Variants in SHISA9 observed in about 807,000 individuals in gnomAD.
SHISA9 encodes protein shisa-9.
SHISA9 carries 13 observed loss-of-function variants against 38.0 expected under a neutral mutation model. The ratio of observed to expected loss-of-function variants is 0.34; its 90% CI spans 0.22 to 0.54. The LOEUF (loss-of-function observed/expected upper bound fraction) is 0.54, where lower values mean the gene tolerates loss of function less well. SHISA9 is among the 20% of genes least tolerant of loss of function. The pLI is 0.91. For synonymous variants in SHISA9, 275 were observed against 242.0 expected, an observed-to-expected ratio of 1.14 and a Z score of -1.27; for missense variants, 538 against 575.8, an observed-to-expected ratio of 0.93 and a Z score of 0.67.
chr16:13,336,826 C>T, the SHISA9 span, among the ~76,000 whole-genome samples: 1 of 152,140 alleles, frequency 6.6e-6, no homozygotes, highest in African/African-American at 2.4e-5. Context: ...ACCTATAACA[C>T]CATCAAAGTA....
intron 2 of SHISA9, among the ~76,000 whole-genome samples, chr16:13,170,320 G>A (rs2050674959): frequency 6.6e-6 from 1 of 152,148 alleles, no homozygotes; most frequent in African/African-American, 2.4e-5. Context: ...GTGAGTGCCT[G>A]AGATACAATG....
chr16:12,937,155 G>C (rs1291775553), intron 2 of SHISA9, among the ~76,000 whole-genome samples: 1 of 152,146 alleles, frequency 6.6e-6, no homozygotes, highest in African/African-American at 2.4e-5. Flanking sequence ...GAATTTCCCA[G>C]AAGGATGACT....
chr16:12,976,043 G>A (rs748556045), intron 2 of SHISA9, among the ~76,000 whole-genome samples: 8 of 152,078 alleles, frequency 5.3e-5, no homozygotes, highest in Non-Finnish European at 1.2e-4. Context: ...TGGGTTGGCT[G>A]CAAATTCATG....
At chr16:13,544,432 T>TTTG in the SHISA9 span, among the ~76,000 whole-genome samples, 2 of 143,496 alleles carry the variant, frequency 1.4e-5, no homozygotes, top group Non-Finnish European at 3.0e-5. Flanking sequence ...TTTTCTTGTT[T>TTTG]TTTTTTTTTT....
At chr16:13,126,062 C>T (rs916426667) in intron 2 of SHISA9, among the ~76,000 whole-genome samples, 2 of 152,178 alleles carry the variant, frequency 1.3e-5, no homozygotes, top group African/African-American at 2.4e-5. Context: ...AAATCCAACT[C>T]ATTGACATAT....
At chr16:13,492,749 A>C in the SHISA9 span, among the ~76,000 whole-genome samples, 1 of 152,250 alleles carries the variant, frequency 6.6e-6, no homozygotes, top group African/African-American at 2.4e-5. Context: ...TTTTGTTTCC[A>C]ATATTTGATC....
intron 4 of SHISA9, among the ~76,000 whole-genome samples, chr16:13,220,819 T>G (rs1240841081): frequency 6.6e-6 from 1 of 152,088 alleles, no homozygotes; most frequent in Non-Finnish European, 1.5e-5. Context: ...CCAGTAGCCT[T>G]TCAGAAGATG....
At chr16:13,229,727 G>T (rs1268796525) in intron 4 of SHISA9, among the ~76,000 whole-genome samples, 1 of 152,200 alleles carries the variant, frequency 6.6e-6, no homozygotes, top group East Asian at 1.9e-4. Context: ...GGTCTAGTGG[G>T]GAAACAGATG....
intron 2 of SHISA9, among the ~76,000 whole-genome samples, chr16:13,151,400 C>G (rs2050498301): frequency 2.0e-5 from 3 of 152,192 alleles, no homozygotes; most frequent in African/African-American, 4.8e-5. Context: ...AGCCACCACA[C>G]CCAGTCACTT....
intron 2 of SHISA9, among the ~76,000 whole-genome samples, chr16:13,144,626 A>G (rs149916): frequency 0.073 from 11,152 of 152,226 alleles, 431 homozygotes; most frequent in Admixed American, 0.089. Flanking sequence ...AAGGGTTGCT[A>G]TCATTTTTAG....
intron 4 of SHISA9, among the ~76,000 whole-genome samples, chr16:13,216,791 T>C (rs2051173455): frequency 6.6e-6 from 1 of 152,156 alleles, no homozygotes; most frequent in Non-Finnish European, 1.5e-5. Context: ...AATGACTCCC[T>C]TTGGAGTGTG....
At chr16:13,367,937 G>A in the SHISA9 span, among the ~76,000 whole-genome samples, 2 of 151,496 alleles carry the variant, frequency 1.3e-5, no homozygotes, top group Non-Finnish European at 2.9e-5. Context: ...TTAAATTTTA[G>A]GGTACATGTG....
the SHISA9 span, among the ~76,000 whole-genome samples, chr16:13,331,134 C>T: frequency 8.5e-4 from 129 of 152,138 alleles, 1 homozygote; most frequent in Non-Finnish European, 1.3e-3. Context: ...GACTTGAGAA[C>T]GGACCAGACA....
chr16:12,986,910 C>A (rs1022542151), intron 2 of SHISA9, among the ~76,000 whole-genome samples: 4 of 152,210 alleles, frequency 2.6e-5, no homozygotes, highest in Non-Finnish European at 4.4e-5. Flanking sequence ...AGGGCCTGAG[C>A]CCTTCACCAT....
At chr16:12,904,860 A>G (rs371977657) in intron 1 of SHISA9, among the ~76,000 whole-genome samples, 106 of 152,188 alleles carry the variant, frequency 7.0e-4, no homozygotes, top group African/African-American at 2.4e-3. Context: ...GTGGGACCTG[A>G]GCATCTGTAT....
chr16:12,951,058 C>A (rs1473071777), intron 2 of SHISA9, among the ~76,000 whole-genome samples: 1 of 150,118 alleles, frequency 6.7e-6, no homozygotes, highest in Non-Finnish European at 1.5e-5. Context: ...CCCATCTCTA[C>A]TAAAATACAA....
chr16:13,248,480 T>A, the SHISA9 span, among the ~76,000 whole-genome samples: 1 of 152,194 alleles, frequency 6.6e-6, no homozygotes, highest in Non-Finnish European at 1.5e-5. Flanking sequence ...TCAGATAACC[T>A]TGGATTTGAG....
the SHISA9 span, among the ~76,000 whole-genome samples, chr16:13,496,055 A>C: frequency 1.1e-4 from 16 of 152,180 alleles, no homozygotes; most frequent in Non-Finnish European, 2.1e-4. Context: ...TTTATGGATG[A>C]CCTGAATTTG....
the SHISA9 span, among the ~76,000 whole-genome samples, chr16:13,510,791 GTTT>G: frequency 6.1e-5 from 9 of 148,632 alleles, no homozygotes; most frequent in African/African-American, 2.2e-4. Flanking sequence ...AATTTTCTGG[GTTT>G]TTTTTTTGTA....
Sources: allele counts gnomAD v4.1 joint callset (sites outside exome capture counted in the v4.1 genomes callset), GRCh38; gene constraint gnomAD v4.1.1; transcripts MANE v1.5; gene names NCBI Gene and HGNC (gene_info 2026-07-23, HGNC 2026-07-21).